Variants in SNX32 observed in about 807,000 individuals in gnomAD.
The protein encoded by SNX32 is sorting nexin 32.
In SNX32, 58 loss-of-function variants were observed where a neutral mutation model predicts 57.0. That is an observed-to-expected ratio of 1.02 (90% CI 0.82 to 1.27). The LOEUF is 1.27. SNX32 is among the 50% of genes most tolerant of loss of function. The pLI, the probability that SNX32 is intolerant of heterozygous loss-of-function variation, is 0.00. For missense variants in SNX32, 589 were observed against 541.2 expected, an observed-to-expected ratio of 1.09 and a Z score of -0.88; for synonymous variants, 262 against 220.4, an observed-to-expected ratio of 1.19 and a Z score of -1.67.
At chr11:65,852,388 T>C (rs1859228055) in intron 9 of SNX32, 77 bp from the exon 10 acceptor site, 2 of 1,267,298 alleles carry the variant, frequency 1.6e-6, no homozygotes, top group Non-Finnish European at 2.3e-6. Context: ...GCTGGATATT[T>C]AGATGAAGAG....
At chr11:65,850,951 G>A in intron 6 of SNX32, 96 bp downstream of exon 6, 1 of 1,493,770 alleles carries the variant, frequency 6.7e-7, no homozygotes, top group South Asian at 1.1e-5. Flanking sequence ...AGCCACTGGT[G>A]GGGCCTGGCC....
intron 4 of SNX32, 33 bp from the exon 5 acceptor site, chr11:65,850,398 A>G: frequency 6.2e-7 from 1 of 1,613,466 alleles, no homozygotes. Flanking sequence ...ATGGGGGCTG[A>G]GGAGGGCCGG....
At chr11:65,838,692 T>C (rs1213896726) in intron 1 of SNX32, among the ~76,000 whole-genome samples, 1 of 152,146 alleles carries the variant, frequency 6.6e-6, no homozygotes, top group East Asian at 1.9e-4. Flanking sequence ...CAAATGCACA[T>C]GAAACATTTA....
At chr11:65,851,471 C>G in intron 8 of SNX32, 68 bp downstream of exon 8, 1 of 1,569,826 alleles carries the variant, frequency 6.4e-7, no homozygotes, top group Non-Finnish European at 8.8e-7. Flanking sequence ...TGAGGGGTCA[C>G]TCTGTAGATG....
intron 1 of SNX32, among the ~76,000 whole-genome samples, chr11:65,844,991 A>G (rs1334268203): frequency 6.7e-6 from 1 of 150,364 alleles, no homozygotes; most frequent in Non-Finnish European, 1.5e-5. Flanking sequence ...AGTCTTCTAA[A>G]GACCTGTGTA....
chr11:65,836,041 A>G (rs1390491791), intron 1 of SNX32, among the ~76,000 whole-genome samples: 2 of 152,120 alleles, frequency 1.3e-5, no homozygotes, highest in African/African-American at 4.8e-5. Flanking sequence ...TATTATTGTT[A>G]TATTATTTTT....
intron 12 of SNX32, 71 bp from the exon 13 acceptor site, chr11:65,853,211 C>G: frequency 6.2e-7 from 1 of 1,603,694 alleles, no homozygotes; most frequent in Non-Finnish European, 8.5e-7. Context: ...GAGGGAGCAT[C>G]TAAGGTGCAG....
At chr11:65,846,143 C>T (rs1021380851) in intron 1 of SNX32, among the ~76,000 whole-genome samples, 2 of 151,824 alleles carry the variant, frequency 1.3e-5, no homozygotes, top group Non-Finnish European at 2.9e-5. Flanking sequence ...TGGTGGTGGG[C>T]GTCTGTAATC....
intron 1 of SNX32, among the ~76,000 whole-genome samples, chr11:65,844,034 A>G (rs960820411): frequency 6.6e-6 from 1 of 152,216 alleles, no homozygotes; most frequent in Admixed American, 6.6e-5. Flanking sequence ...GCCTGGACTA[A>G]CAGGGTGAAA....
Position 65,853,619 on chromosome 11 carries a change from T to C in SNX32, c.*284T>C. ...GGAAGCTGAGGAACAGCCTCTACCC[T>C]CACCCATAGCCCTGAAGGAATCATA... On this transcript the variant is annotated 3_prime_UTR_variant, in exon 13 of 13. Transcript: ENST00000308342. The C allele has an allele frequency of 1.9e-6, 1 of 530,454 alleles. No homozygotes were observed. Among genetic ancestry groups the C allele is most frequent in the Non-Finnish European group, 3.4e-6 (1 of 293,428 alleles). The allele number at this position is 530,454 out of a possible 1,614,324, so 32.9% of individuals were successfully genotyped here.
At chr11:65,848,747 C>T (rs961920537) in intron 1 of SNX32, among the ~76,000 whole-genome samples, 1 of 152,180 alleles carries the variant, frequency 6.6e-6, no homozygotes, top group Non-Finnish European at 1.5e-5. Flanking sequence ...GTGGGAATGT[C>T]TCATCCAACT....
In SNX32 at chr11:65,851,638, A is replaced by G; in HGVS notation, c.786-2A>G. The G allele has an allele frequency of 6.2e-7, 1 of 1,613,956 alleles. No individual in the cohort carries two copies. Among genetic ancestry groups the G allele is most frequent in the Non-Finnish European group, 8.5e-7 (1 of 1,179,900 alleles). On this transcript the variant is annotated splice_acceptor_variant, in intron 8 of 12. Coordinates refer to ENST00000308342, the MANE Select transcript of SNX32 (RefSeq NM_152760.3). LOFTEE classifies it high-confidence loss of function. ...CCTAACTCCCTCCCTACTGCTTCCT[A>G]GGAGCTTCCTCAAATTGGCAGAGCT...
intron 10 of SNX32, 35 bp from the exon 11 acceptor site, chr11:65,852,595 A>G (rs748514872): frequency 6.2e-7 from 1 of 1,613,670 alleles, no homozygotes; most frequent in African/African-American, 1.3e-5. Context: ...GGATGCCAGG[A>G]CAGGGCAGCA....
intron 1 of SNX32, among the ~76,000 whole-genome samples, chr11:65,846,233 T>C (rs780485466): frequency 1.3e-4 from 20 of 152,048 alleles, no homozygotes; most frequent in Admixed American, 3.3e-4. Flanking sequence ...ATCATGTCAC[T>C]GCACTCCAGC....
In SNX32 at chr11:65,850,495, G is replaced by A. The variant is rs200429771; in HGVS notation, c.439G>A (p.Ala147Thr). ...CGAAGTCTTTCTGCAGCGCCTGGCG[G>A]CCCACCCCACCCTGCGTCGAGACCA... ...MHEVFLQRLA[A>T]HPTLRRDHNF... The change falls in exon 5 of 13, where the codon GCC becomes ACC. Residue 147 changes from alanine (A) to threonine (T), a missense_variant. By Grantham distance (58) the Ala-to-Thr change is moderately conservative. Transcript: ENST00000308342. The A allele has an allele frequency of 3.7e-6, 6 of 1,614,090 alleles. No homozygotes were observed. In the African/African-American group the frequency reaches 6.7e-5, roughly 18 times the overall value.
In SNX32 at chr11:65,834,015, G is replaced by A; in HGVS notation, c.-51G>A. The A allele has an allele frequency of 6.5e-7, 1 of 1,545,210 alleles. No homozygotes were observed. The highest frequency in any genetic ancestry group is 8.7e-7 in the Non-Finnish European group (1 of 1,143,246). ...AGTTCCTCGGGCGAGTTACGGGGAC[G>A]ACCTGCGGGAGCACGCGGGCAGTGG... On this transcript the variant is annotated 5_prime_UTR_variant, in exon 1 of 13. Transcript: ENST00000308342.
In SNX32 at chr11:65,853,344, G is replaced by C. The variant is rs775671100; in HGVS notation, c.*9G>C. The C allele has an allele frequency of 6.2e-7, 1 of 1,613,980 alleles. No individual in the cohort carries two copies. The highest frequency in any genetic ancestry group is 8.5e-7 in the Non-Finnish European group (1 of 1,179,958). ...TAAAGGGGGAGCCTTAGAGTAGCCA[G>C]AGCTCAGCCAGACCCTAATCTGGGA... is the stretch of plus-strand genomic sequence containing the variant. On this transcript the variant is annotated 3_prime_UTR_variant, in exon 13 of 13. Coordinates refer to ENST00000308342, the MANE Select transcript of SNX32 (RefSeq NM_152760.3).
In SNX32 at chr11:65,850,131, C is replaced by G. The variant is rs371669762; in HGVS notation, c.253-19C>G. On this transcript the variant is annotated intron_variant, in intron 3 of 12. Coordinates refer to ENST00000308342, the MANE Select transcript of SNX32 (RefSeq NM_152760.3). ...CTCGGCAGTGAGAGGCCTCCCAGCTCCGTCCCTCCTTTGAGCAGATCCCCC... is the reference window on the plus strand; with the variant it reads ...CTCGGCAGTGAGAGGCCTCCCAGCTGCGTCCCTCCTTTGAGCAGATCCCCC... The G allele has an allele frequency of 2.5e-6, 4 of 1,614,098 alleles. No homozygotes were observed. Among genetic ancestry groups the G allele is most frequent in the African/African-American group, 1.3e-5 (1 of 74,944 alleles).
At chr11:65,851,541 G>A in intron 8 of SNX32, 99 bp from the exon 9 acceptor site, 2 of 1,541,804 alleles carry the variant, frequency 1.3e-6, no homozygotes, top group Non-Finnish European at 1.8e-6. Flanking sequence ...GTGTTGGGAA[G>A]GAAAGGGGAG....
Sources: gnomAD v4.1 joint callset for allele counts (sites outside exome capture counted in the v4.1 genomes callset) on GRCh38, gnomAD v4.1.1 for gene constraint, MANE v1.5 for transcripts, NCBI Gene and HGNC (gene_info 2026-07-23, HGNC 2026-07-21) for gene names.